The following SHISA9 variants were observed in gnomAD, a reference collection of about 807,000 sequenced individuals.
SHISA9 encodes protein shisa-9.
A neutral mutation model predicts 38.0 loss-of-function variants in SHISA9; 13 were observed. The observed-to-expected ratio is 0.34, with a 90% CI of 0.22 to 0.54. SHISA9 has a LOEUF of 0.54. Among genes scored for constraint, SHISA9 ranks in the 20% least tolerant of loss-of-function variants. The probability of loss-of-function intolerance (pLI) is 0.91; values close to 1 mark genes in which losing one functional copy is unlikely to be tolerated. For synonymous variants in SHISA9, 275 were observed against 242.0 expected, an observed-to-expected ratio of 1.14 and a Z score of -1.27; for missense variants, 538 against 575.8, an observed-to-expected ratio of 0.93 and a Z score of 0.67.
At chr16:13,192,868 C>G (rs1052788268) in intron 2 of SHISA9, among the ~76,000 whole-genome samples, 4 of 148,212 alleles carry the variant, frequency 2.7e-5, no homozygotes, top group African/African-American at 1.0e-4. Context: ...GAGCAAGACT[C>G]CATCTCAAAA....
intron 2 of SHISA9, among the ~76,000 whole-genome samples, chr16:13,196,407 A>AAG (rs2050942805): frequency 6.7e-6 from 1 of 150,136 alleles, no homozygotes; most frequent in Non-Finnish European, 1.5e-5. Context: ...AAAAAAAAAA[A>AAG]AAAGAAAGAA....
At chr16:12,974,427 G>C (rs968366363) in intron 2 of SHISA9, among the ~76,000 whole-genome samples, 1 of 145,242 alleles carries the variant, frequency 6.9e-6, no homozygotes, top group Non-Finnish European at 1.5e-5. Context: ...TAAAAATTAA[G>C]AATATGACTT....
intron 4 of SHISA9, among the ~76,000 whole-genome samples, chr16:13,223,461 T>C (rs543480439): frequency 1.3e-5 from 2 of 152,244 alleles, no homozygotes; most frequent in African/African-American, 4.8e-5. Context: ...CATATAAAAC[T>C]GGTGCATTGA....
chr16:13,101,353 T>C (rs183164151), intron 2 of SHISA9, among the ~76,000 whole-genome samples: 3 of 152,364 alleles, frequency 2.0e-5, no homozygotes, highest in Admixed American at 1.3e-4. Flanking sequence ...ACAATGAATA[T>C]ATATATCAAA....
chr16:13,144,403 G>A (rs553186224), intron 2 of SHISA9, among the ~76,000 whole-genome samples: 95 of 152,014 alleles, frequency 6.2e-4, no homozygotes, highest in African/African-American at 2.1e-3. Flanking sequence ...TACCTGCCTC[G>A]GCCTCCCAAA....
At chr16:13,114,824 C>T (rs1304321600) in intron 2 of SHISA9, among the ~76,000 whole-genome samples, 2 of 152,054 alleles carry the variant, frequency 1.3e-5, no homozygotes, top group African/African-American at 4.8e-5. Context: ...TTTCATTCTG[C>T]ATCTTGCTTG....
chr16:13,264,071 C>A, the SHISA9 span, among the ~76,000 whole-genome samples: 2 of 152,178 alleles, frequency 1.3e-5, no homozygotes, highest in Non-Finnish European at 2.9e-5. Flanking sequence ...ATACCTCCTT[C>A]CCCAACATAG....
the SHISA9 span, among the ~76,000 whole-genome samples, chr16:13,453,101 G>A: frequency 2.6e-5 from 4 of 151,846 alleles, no homozygotes; most frequent in Non-Finnish European, 2.9e-5. Context: ...TGTTTGTCAG[G>A]CTGGTCTCGA....
At chr16:12,927,463 A>T (rs1262608016) in intron 2 of SHISA9, among the ~76,000 whole-genome samples, 1 of 152,112 alleles carries the variant, frequency 6.6e-6, no homozygotes, top group African/African-American at 2.4e-5. Flanking sequence ...CAGTGGTGAG[A>T]TCACAGCTCA....
intron 2 of SHISA9, among the ~76,000 whole-genome samples, chr16:13,107,564 A>G (rs2073939757): frequency 6.6e-6 from 1 of 151,944 alleles, no homozygotes; most frequent in African/African-American, 2.4e-5. Flanking sequence ...TTAGGTAGGC[A>G]GTCAAGGTGA....
the SHISA9 span, among the ~76,000 whole-genome samples, chr16:13,457,696 G>A: frequency 6.6e-6 from 1 of 151,584 alleles, no homozygotes; most frequent in African/African-American, 2.4e-5. Flanking sequence ...GAGTTTCTTT[G>A]CACTGGCTAC....
chr16:13,476,654 T>C, the SHISA9 span, among the ~76,000 whole-genome samples: 2 of 151,648 alleles, frequency 1.3e-5, no homozygotes, highest in African/African-American at 4.8e-5. Flanking sequence ...ATCAGGACTC[T>C]ACAGACCCTC....
the SHISA9 span, among the ~76,000 whole-genome samples, chr16:13,362,377 G>C: frequency 6.6e-6 from 1 of 152,054 alleles, no homozygotes; most frequent in Non-Finnish European, 1.5e-5. Context: ...GCAGTGAGCA[G>C]TGATTGTGCC....
intron 2 of SHISA9, among the ~76,000 whole-genome samples, chr16:12,951,260 C>CAAAAA (rs113668400): frequency 8.3e-6 from 1 of 120,616 alleles, no homozygotes; most frequent in Non-Finnish European, 1.7e-5. Context: ...GGCAAAAAAG[C>CAAAAA]AAAAAAAAAG....
At chr16:13,147,286 G>A (rs762153341) in intron 2 of SHISA9, among the ~76,000 whole-genome samples, 14 of 152,178 alleles carry the variant, frequency 9.2e-5, no homozygotes, top group Non-Finnish European at 1.8e-4. Flanking sequence ...GGGAGCCACT[G>A]AATAGCTGTG....
chr16:13,263,236 T>G, the SHISA9 span, among the ~76,000 whole-genome samples: 1 of 152,130 alleles, frequency 6.6e-6, no homozygotes, highest in Non-Finnish European at 1.5e-5. Flanking sequence ...TCATGGGATT[T>G]GTGGATACCT....
At chr16:13,357,992 A>ATCTGGGCGAT in the SHISA9 span, among the ~76,000 whole-genome samples, 1,241 of 152,272 alleles carry the variant, frequency 8.1e-3, 20 homozygotes, top group African/African-American at 0.029. Flanking sequence ...ACTTCAGGCC[A>ATCTGGGCGAT]TCTGGGCGAT....
At chr16:13,274,512 G>T in the SHISA9 span, among the ~76,000 whole-genome samples, 2 of 152,102 alleles carry the variant, frequency 1.3e-5, no homozygotes, top group Admixed American at 6.6e-5. Context: ...CTTATAAATG[G>T]TTTAATTTTA....
At chr16:13,464,529 T>C in the SHISA9 span, among the ~76,000 whole-genome samples, 1 of 152,224 alleles carries the variant, frequency 6.6e-6, no homozygotes, top group Admixed American at 6.5e-5. Flanking sequence ...CTAGAGTTTC[T>C]TGTCTAAAGC....
Sources: allele counts gnomAD v4.1 joint callset (sites outside exome capture counted in the v4.1 genomes callset), GRCh38; gene constraint gnomAD v4.1.1; transcripts MANE v1.5; gene names NCBI Gene and HGNC (gene_info 2026-07-23, HGNC 2026-07-21).